The following SAG variants were observed in gnomAD, a reference collection of about 807,000 sequenced individuals.
SAG encodes the protein S-antigen visual arrestin, also known as S-arrestin.
Under a neutral mutation model 55.0 loss-of-function variants are expected in SAG, and 45 were observed. That is an observed-to-expected ratio of 0.82 (90% CI 0.64 to 1.05). SAG has a LOEUF of 1.05. Ranked by LOEUF, SAG falls within the 50% of genes least tolerant of loss-of-function variation. The probability of loss-of-function intolerance (pLI) is 0.00; values close to 1 mark genes in which losing one functional copy is unlikely to be tolerated. For synonymous variants in SAG, 189 were observed against 197.4 expected, an observed-to-expected ratio of 0.96 and a Z score of 0.36; for missense variants, 455 against 512.1, an observed-to-expected ratio of 0.89 and a Z score of 1.08.
In SAG at chr2:233,340,466, A is replaced by G. The variant is rs1291468228; in HGVS notation, c.1034A>G (p.Glu345Gly). The G allele has an allele frequency of 6.2e-7, 1 of 1,611,002 alleles. No individual in the cohort carries two copies. Among genetic ancestry groups the G allele is most frequent in the African/African-American group, 1.3e-5 (1 of 74,830 alleles). The change falls in exon 13 of 16, where the codon GAG becomes GGG. Residue 345 changes from glutamate (E) to glycine (G), a missense_variant. Coordinates refer to ENST00000409110, the MANE Select transcript of SAG (RefSeq NM_000541.5). This position sits in a 1 kb window ranked among gnomAD's most constrained non-coding sequence, Gnocchi z 4.2. ...TTTGTGTTTTCTAGCTTTCTGGGAG[A>G]GCTCACCTCCAGGTAAGCCTGTTCA... ...VKLTVSGFLGELTSSEVATEV... is the reference protein window; with the variant it reads ...VKLTVSGFLGGLTSSEVATEV...
At chr2:233,313,989 G>A (rs973479890) in intron 2 of SAG, among the ~76,000 whole-genome samples, 1 of 151,980 alleles carries the variant, frequency 6.6e-6, no homozygotes, top group African/African-American at 2.4e-5. Context: ...GAAGGCCGAG[G>A]TGGGTGGATT....
At chr2:233,326,509 C>T (rs1171773621) in intron 6 of SAG, among the ~76,000 whole-genome samples, 3 of 150,780 alleles carry the variant, frequency 2.0e-5, no homozygotes, top group Non-Finnish European at 4.4e-5. Flanking sequence ...TGCTTGAACT[C>T]GGGAGGCGGA....
chr2:233,343,493 C>T (rs899433801), intron 14 of SAG: 1 of 240,252 alleles, frequency 4.2e-6, no homozygotes, highest in African/African-American at 2.3e-5. Context: ...TATAAATCTA[C>T]TGGCTCTTGT....
intron 14 of SAG, chr2:233,344,339 T>G (rs28437319): frequency 0.11 from 16,274 of 152,216 alleles, 1,153 homozygotes; most frequent in African/African-American, 0.21. Flanking sequence ...CCTGGCTAAT[T>G]TTTGTATTTT....
chr2:233,345,052 G>A (rs1701210407), intron 14 of SAG: 1 of 152,176 alleles, frequency 6.6e-6, no homozygotes, highest in South Asian at 2.1e-4. Context: ...GACCCTCATA[G>A]ACACTCCCTC....
chr2:233,343,997 G>C (rs1014370916), intron 14 of SAG: 1 of 156,760 alleles, frequency 6.4e-6, no homozygotes, highest in Admixed American at 6.4e-5. Flanking sequence ...GAAAAATGTA[G>C]TCCAGCTATA....
chr2:233,330,233 C>T (rs1037936051), intron 9 of SAG, among the ~76,000 whole-genome samples: 2 of 152,190 alleles, frequency 1.3e-5, no homozygotes, highest in African/African-American at 2.4e-5. Flanking sequence ...CCTCTAAGTT[C>T]ACTTTTTAAC....
Position 233,319,101 on chromosome 2 carries a change from T to G in SAG, c.181+306T>G. 3.7e-6 allele frequency: 2 copies of G among 547,128 alleles called. No individual in the cohort carries two copies. Among genetic ancestry groups the G allele is most frequent in the East Asian group, 7.8e-5 (2 of 25,688 alleles). The allele number at this position is 547,128 out of a possible 1,614,324, so 33.9% of individuals were successfully genotyped here. A position where few individuals can be genotyped will look rare whatever the true frequency, so the allele number is the denominator to read the frequency against. On this transcript the variant is annotated intron_variant, in intron 4 of 15. Transcript: ENST00000409110. The surrounding 1 kb of genome is among the most constrained non-coding windows in gnomAD (Gnocchi z 4.4). Reference sequence around the variant, plus strand: ...GTTTGCTCGCCCCTGTTTCATGTACTTCTGTGCTAGGGGCAAACTCAGGAG... The same window carrying G: ...GTTTGCTCGCCCCTGTTTCATGTACGTCTGTGCTAGGGGCAAACTCAGGAG...
rs1700011294 is a variant in SAG at position 233,309,201 on chromosome 2, C to T, written c.12C>T (p.Ser4=). Residue 4 remains serine, a synonymous_variant, in exon 2 of 16, where the codon AGC becomes AGT. Transcript: ENST00000409110. Reference sequence around the variant, plus strand: ...CAGGGACAGATAACATGGCAGCCAGCGGGAAGACCAGCAAGTCCGAACCGA... The same window carrying T: ...CAGGGACAGATAACATGGCAGCCAGTGGGAAGACCAGCAAGTCCGAACCGA... MAA[S]GKTSKSEPNH... is the part of the protein sequence containing the mutation. The T allele has an allele frequency of 6.8e-6, 11 of 1,613,236 alleles. No homozygotes were observed. The highest frequency in any genetic ancestry group is 4.5e-5 in the East Asian group (2 of 44,860).
intron 5 of SAG, among the ~76,000 whole-genome samples, chr2:233,322,354 C>T (rs762697981): frequency 2.6e-5 from 4 of 151,964 alleles, no homozygotes; most frequent in Non-Finnish European, 5.9e-5. Context: ...ATTATAGAGC[C>T]CTAAAAAGGA....
intron 3 of SAG, 28 bp downstream of exon 3, chr2:233,316,163 C>G (rs1411247694): frequency 7.2e-7 from 1 of 1,384,338 alleles, no homozygotes; most frequent in Admixed American, 1.9e-5. Flanking sequence ...AACTGTAATG[C>G]TGGTTTTCCT....
chr2:233,330,746 G>A (rs1303429651), intron 9 of SAG, among the ~76,000 whole-genome samples: 2 of 152,034 alleles, frequency 1.3e-5, no homozygotes, highest in Admixed American at 6.6e-5. Context: ...TGGCCAGGCT[G>A]GTTTCAAACC....
In SAG at chr2:233,316,155, C is replaced by T; in HGVS notation, c.136+20C>T. ...CTGTGGGTAAGTTGCTTGGAGAAAA[C>T]TGTAATGCTGGTTTTCCTTTAAGTC... is the stretch of plus-strand genomic sequence containing the variant. On this transcript the variant is annotated intron_variant, in intron 3 of 15. Coordinates refer to ENST00000409110, the MANE Select transcript of SAG (RefSeq NM_000541.5). 6.8e-7 allele frequency: 1 copy of T among 1,470,568 alleles called. No homozygotes were observed. Among genetic ancestry groups the T allele is most frequent in the South Asian group, 1.2e-5 (1 of 84,290 alleles). The allele number at this position is 1,470,568 out of a possible 1,614,324, so 91.1% of individuals were successfully genotyped here.
intron 3 of SAG, among the ~76,000 whole-genome samples, chr2:233,317,475 A>C (rs1211488140): frequency 6.6e-6 from 1 of 152,220 alleles, no homozygotes; most frequent in East Asian, 1.9e-4. Context: ...TCATTTCAAC[A>C]CAAAACGTCT....
intron 5 of SAG, among the ~76,000 whole-genome samples, 189 bp downstream of exon 5, chr2:233,321,012 C>G (rs2125328648): frequency 6.6e-6 from 1 of 152,248 alleles, no homozygotes; most frequent in Admixed American, 6.5e-5. Flanking sequence ...AGCCTCTTAG[C>G]CTTTGAAGAC....
chr2:233,325,524 C>T (rs2125333231), intron 6 of SAG, among the ~76,000 whole-genome samples: 1 of 151,828 alleles, frequency 6.6e-6, no homozygotes, highest in East Asian at 1.9e-4. Context: ...GCTAGTGGTC[C>T]AGGACAATGG....
intron 2 of SAG, among the ~76,000 whole-genome samples, chr2:233,312,672 T>C (rs955471169): frequency 1.4e-4 from 21 of 152,232 alleles, no homozygotes; most frequent in Admixed American, 1.4e-3. Context: ...TTCAGTGGCA[T>C]GGTGAAGCCA....
chr2:233,322,185 CAAAAAAAAA>C (rs35197599), intron 5 of SAG, among the ~76,000 whole-genome samples: 1 of 66,108 alleles, frequency 1.5e-5, no homozygotes, highest in East Asian at 5.4e-4. Flanking sequence ...GACTCTGTCT[CAAAAAAAAA>C]AAAAAAAAAA....
At chr2:233,324,858 G>A (rs1001790148) in intron 6 of SAG, among the ~76,000 whole-genome samples, 5 of 152,180 alleles carry the variant, frequency 3.3e-5, no homozygotes, top group Non-Finnish European at 5.9e-5. Context: ...GGGCATCTGC[G>A]ACATCTGACC....
Sources: allele counts gnomAD v4.1 joint callset (sites outside exome capture counted in the v4.1 genomes callset), GRCh38; gene constraint gnomAD v4.1.1; non-coding constraint Gnocchi (gnomAD v3.1); transcripts MANE v1.5; gene names NCBI Gene and HGNC (gene_info 2026-07-23, HGNC 2026-07-21).